Variants in SPATA17 observed in about 807,000 individuals in gnomAD.
SPATA17 encodes the protein spermatogenesis-associated protein 17.
Under a neutral mutation model 62.2 loss-of-function variants are expected in SPATA17, and 53 were observed. That is an observed-to-expected ratio of 0.85 (90% CI 0.68 to 1.07). SPATA17 has a LOEUF of 1.07. Ranked by LOEUF, SPATA17 falls within the 50% of genes least tolerant of loss-of-function variation. The pLI, the probability that SPATA17 is intolerant of heterozygous loss-of-function variation, is 0.00. For missense variants in SPATA17, 466 were observed against 425.5 expected, an observed-to-expected ratio of 1.10 and a Z score of -0.84; for synonymous variants, 146 against 146.8, an observed-to-expected ratio of 0.99 and a Z score of 0.04.
intron 1 of SPATA17, among the ~76,000 whole-genome samples, chr1:217,638,718 G>A (rs986218138): frequency 6.6e-6 from 1 of 152,022 alleles, no homozygotes; most frequent in East Asian, 1.9e-4. Context: ...AGAACTAATG[G>A]ATGAAATAGA....
intron 6 of SPATA17, among the ~76,000 whole-genome samples, chr1:217,764,260 C>G (rs551179213): frequency 6.6e-6 from 1 of 152,174 alleles, no homozygotes; most frequent in Non-Finnish European, 1.5e-5. Context: ...CTCCCTACAA[C>G]CTCCGTAAGC....
At chr1:217,766,010 A>G (rs1251526001) in intron 6 of SPATA17, among the ~76,000 whole-genome samples, 1 of 151,814 alleles carries the variant, frequency 6.6e-6, no homozygotes, top group African/African-American at 2.4e-5. Flanking sequence ...ATCCTGGTAT[A>G]TCTTTCTCTG....
chr1:217,865,725 T>A (rs1675995866), intron 10 of SPATA17, among the ~76,000 whole-genome samples: 1 of 152,214 alleles, frequency 6.6e-6, no homozygotes, highest in African/African-American at 2.4e-5. Context: ...TCATTGGTTG[T>A]AATTTTATGA....
At position 217,793,422 on chromosome 1, in the gene SPATA17, G is replaced by A. The variant is rs566891023; in HGVS notation, c.873-8296G>A. ...CTTTTAGTAGAGACGGGGTTTCACC[G>A]TGTTAGCCAGGATGGTCTCGATCTC... On this transcript the variant is annotated intron_variant, in intron 8 of 10. Coordinates refer to ENST00000366933, the MANE Select transcript of SPATA17 (RefSeq NM_138796.4). Among the ~76,000 whole-genome samples the A allele has an allele frequency of 2.6e-5, 4 of 151,988 alleles. No individual in the cohort carries two copies. The South Asian group carries it at 6.2e-4, about 24-fold the overall frequency.
chr1:217,803,637 T>C (rs867367266), intron 9 of SPATA17, among the ~76,000 whole-genome samples: 2 of 152,222 alleles, frequency 1.3e-5, no homozygotes, highest in Non-Finnish European at 1.5e-5. Context: ...AATTTAATAT[T>C]GTTAAAATGT....
rs918797954 is a variant in SPATA17 at position 217,868,069 on chromosome 1, T to G, written c.*1050T>G. The G allele has an allele frequency of 6.6e-6, 1 of 152,292 alleles. No individual in the cohort carries two copies. Among genetic ancestry groups the G allele is most frequent in the South Asian group, 2.1e-4 (1 of 4,822 alleles). 9.4% of individuals were successfully genotyped at this position (152,292 alleles called of 1,614,324 possible). A position where few individuals can be genotyped will look rare whatever the true frequency, so the allele number is the denominator to read the frequency against. On this transcript the variant is annotated 3_prime_UTR_variant, in exon 11 of 11. Transcript: ENST00000366933. ...AAAAAGGAACCTATTAAAAAGACATTATCTATCAATCACTGTGTGTGTACA... is the reference window on the plus strand; with the variant it reads ...AAAAAGGAACCTATTAAAAAGACATGATCTATCAATCACTGTGTGTGTACA...
intron 3 of SPATA17, among the ~76,000 whole-genome samples, chr1:217,661,943 C>T (rs1670580667): frequency 6.6e-6 from 1 of 152,120 alleles, no homozygotes; most frequent in Admixed American, 6.5e-5. Context: ...CTTTTCCTTA[C>T]CCCTTCCTTA....
intron 9 of SPATA17, among the ~76,000 whole-genome samples, chr1:217,825,858 A>G (rs1442213745): frequency 1.3e-5 from 2 of 152,070 alleles, no homozygotes; most frequent in Non-Finnish European, 2.9e-5. Flanking sequence ...TTTTCCAAGA[A>G]CACACTATGT....
At position 217,651,082 on chromosome 1, in the gene SPATA17, T is replaced by C; in HGVS notation, c.159-15T>C. Reference sequence around the variant, plus strand: ...CAATGAAAGGATACTAATAAGCATATTTTTTTTATCCTAGGCATTTAAACA... The same window carrying C: ...CAATGAAAGGATACTAATAAGCATACTTTTTTTATCCTAGGCATTTAAACA... On this transcript the variant is annotated splice_polypyrimidine_tract_variant and intron_variant, in intron 2 of 10. Coordinates refer to ENST00000366933, the MANE Select transcript of SPATA17 (RefSeq NM_138796.4). 2 of 1,508,762 alleles carry C rather than the reference T, an allele frequency of 1.3e-6. No homozygotes were observed. Among genetic ancestry groups the C allele is most frequent in the Non-Finnish European group, 1.8e-6 (2 of 1,099,866 alleles). The allele number at this position is 1,508,762 out of a possible 1,614,324, so 93.5% of individuals were successfully genotyped here. A position where few individuals can be genotyped will look rare whatever the true frequency, so the allele number is the denominator to read the frequency against.
intron 5 of SPATA17, among the ~76,000 whole-genome samples, chr1:217,684,767 A>G (rs972595145): frequency 2.0e-5 from 3 of 152,192 alleles, no homozygotes; most frequent in Non-Finnish European, 4.4e-5. Context: ...GTAATTGGCA[A>G]TAAATTATTA....
intron 8 of SPATA17, among the ~76,000 whole-genome samples, chr1:217,783,503 T>G (rs2102977663): frequency 6.6e-6 from 1 of 152,132 alleles, no homozygotes; most frequent in African/African-American, 2.4e-5. Context: ...TAAGGAACTT[T>G]TTTTCCAATT....
chr1:217,809,175 A>C (rs1674520843), intron 9 of SPATA17, among the ~76,000 whole-genome samples: 2 of 152,206 alleles, frequency 1.3e-5, no homozygotes, highest in Non-Finnish European at 2.9e-5. Flanking sequence ...GCTGGAAAGT[A>C]AATTGGATAC....
rs186221753 is a variant in SPATA17, at chr1:217,715,310, G to A, written c.396-26665G>A. Among the ~76,000 whole-genome samples the A allele has an allele frequency of 1.2e-4, 19 of 152,244 alleles. No homozygotes were observed. In the East Asian group the frequency reaches 2.5e-3, roughly 20 times the overall value. Reference sequence around the variant, plus strand: ...TTTTGAATTCCCAAAGATAGGGAACGTTATCTCAGAAGTGGCAACACCTTT... The same window carrying A: ...TTTTGAATTCCCAAAGATAGGGAACATTATCTCAGAAGTGGCAACACCTTT... On this transcript the variant is annotated intron_variant, in intron 5 of 10. Coordinates refer to ENST00000366933, the MANE Select transcript of SPATA17 (RefSeq NM_138796.4).
At chr1:217,739,175 G>A (rs1034471259) in intron 5 of SPATA17, among the ~76,000 whole-genome samples, 4 of 151,408 alleles carry the variant, frequency 2.6e-5, no homozygotes, top group African/African-American at 9.8e-5. Context: ...TTATAGATAT[G>A]AAAACAGGGC....
chr1:217,847,389 C>A (rs754809394), intron 9 of SPATA17, among the ~76,000 whole-genome samples: 1 of 152,054 alleles, frequency 6.6e-6, no homozygotes, highest in East Asian at 1.9e-4. Context: ...CAAGGGCATC[C>A]AAGTATGAAA....
At chr1:217,684,125 T>C (rs137943129) in intron 5 of SPATA17, among the ~76,000 whole-genome samples, 118 of 152,282 alleles carry the variant, frequency 7.7e-4, no homozygotes, top group African/African-American at 2.7e-3. Flanking sequence ...TTTAAACACA[T>C]AGGAGGATAG....
At chr1:217,641,949 T>C (rs762371743) in intron 1 of SPATA17, among the ~76,000 whole-genome samples, 6 of 152,240 alleles carry the variant, frequency 3.9e-5, no homozygotes, top group Non-Finnish European at 5.9e-5. Flanking sequence ...GTACATTTTC[T>C]CAGTTTTTCT....
chr1:217,791,017 T>G (rs1313092834), intron 8 of SPATA17, among the ~76,000 whole-genome samples: 1 of 152,256 alleles, frequency 6.6e-6, no homozygotes, highest in Non-Finnish European at 1.5e-5. Context: ...TACTGTATTA[T>G]GATAGAGATT....
At chr1:217,865,957 G>A (rs1401749113) in intron 10 of SPATA17, among the ~76,000 whole-genome samples, 1 of 152,044 alleles carries the variant, frequency 6.6e-6, no homozygotes, top group Non-Finnish European at 1.5e-5. Flanking sequence ...TAGGAATTTG[G>A]CATATGAACA....
Sources: gnomAD v4.1 joint callset for allele counts (sites outside exome capture counted in the v4.1 genomes callset) on GRCh38, gnomAD v4.1.1 for gene constraint, MANE v1.5 for transcripts, NCBI Gene and HGNC (gene_info 2026-07-23, HGNC 2026-07-21) for gene names.